Variants in TMOD2 observed in about 807,000 individuals in gnomAD.
The protein encoded by TMOD2 is tropomodulin 2, also known as tropomodulin-2.
In TMOD2, 22 loss-of-function variants were observed where a neutral mutation model predicts 39.9. That is an observed-to-expected ratio of 0.55 (90% CI 0.39 to 0.79). The LOEUF is 0.79. TMOD2 is among the 30% of genes least tolerant of loss of function. TMOD2 has a pLI of 0.00. For missense variants in TMOD2, 386 were observed against 413.3 expected, an observed-to-expected ratio of 0.93 and a Z score of 0.57; for synonymous variants, 123 against 146.1, an observed-to-expected ratio of 0.84 and a Z score of 1.14.
chr15:51,795,612 T>G (rs2056045621), intron 7 of TMOD2, among the ~76,000 whole-genome samples: 1 of 115,438 alleles, frequency 8.7e-6, no homozygotes, highest in Non-Finnish European at 1.9e-5. Context: ...CTTTCTTTCT[T>G]TCTTTCTTTC....
At chr15:51,755,492 C>T (rs939887838) in intron 1 of TMOD2, among the ~76,000 whole-genome samples, 1 of 152,100 alleles carries the variant, frequency 6.6e-6, no homozygotes, top group Non-Finnish European at 1.5e-5. Context: ...GGCAGGAGCT[C>T]ACAAAATAGG....
At chr15:51,792,788 C>T (rs1179817888) in intron 7 of TMOD2, among the ~76,000 whole-genome samples, 1 of 152,178 alleles carries the variant, frequency 6.6e-6, no homozygotes, top group Non-Finnish European at 1.5e-5. Context: ...ACCGCATGTT[C>T]TCACTCATAA....
intron 6 of TMOD2, 84 bp from the exon 7 acceptor site, chr15:51,782,636 TG>T: frequency 9.8e-7 from 1 of 1,015,720 alleles, no homozygotes; most frequent in Non-Finnish European, 1.5e-6. Flanking sequence ...TACACATACC[TG>T]GTATTTAAAG....
At chr15:51,766,342 C>G in intron 1 of TMOD2, 31 bp from the exon 2 acceptor site, 3 of 1,175,580 alleles carry the variant, frequency 2.6e-6, no homozygotes, top group Non-Finnish European at 3.6e-6. Context: ...AACGGAGATT[C>G]TTTTTTATTG....
chr15:51,766,416 C>G lies in TMOD2; in HGVS notation c.-26C>G. The G allele has an allele frequency of 3.1e-6, 5 of 1,609,516 alleles. No homozygotes were observed. The highest frequency in any genetic ancestry group is 4.2e-6 in the Non-Finnish European group (5 of 1,177,100). Reference sequence around the variant, plus strand: ...AACTGGACCATTTAAATGTGCATGGCCCATGAGAAAGGCTTATAAGAAGCC... The same window carrying G: ...AACTGGACCATTTAAATGTGCATGGGCCATGAGAAAGGCTTATAAGAAGCC... On this transcript the variant is annotated 5_prime_UTR_variant, in exon 2 of 10. Transcript: ENST00000249700.
intron 7 of TMOD2, among the ~76,000 whole-genome samples, chr15:51,792,185 A>G (rs539189733): frequency 1.3e-4 from 20 of 152,356 alleles, no homozygotes; most frequent in Non-Finnish European, 2.2e-4. Flanking sequence ...AAACAATCCC[A>G]TCAAAAAATG....
chr15:51,779,033 TGCAGCCTCCA>T (rs1458124854), intron 5 of TMOD2, among the ~76,000 whole-genome samples: 1 of 151,990 alleles, frequency 6.6e-6, no homozygotes. Flanking sequence ...CATAACTTAT[TGCAGCCTCCA>T]GCTCCTGGAC....
At chr15:51,778,588 G>C (rs2055906579) in intron 5 of TMOD2, among the ~76,000 whole-genome samples, 1 of 143,290 alleles carries the variant, frequency 7.0e-6, no homozygotes, top group Admixed American at 7.0e-5. Flanking sequence ...CCAATAACCA[G>C]ATCATGTCAG....
Position 51,810,052 on chromosome 15 carries a change from C to G in TMOD2, c.*1598C>G, listed in dbSNP as rs2056146165. ...TTGAGAACACCATAAGCAGAATATTCTAACACCTTTGGCCCCTGAAAATCC... is the reference window on the plus strand; with the variant it reads ...TTGAGAACACCATAAGCAGAATATTGTAACACCTTTGGCCCCTGAAAATCC... On this transcript the variant is annotated 3_prime_UTR_variant, in exon 10 of 10. Transcript: ENST00000249700. The G allele has an allele frequency of 6.6e-6, 1 of 152,082 alleles. No individual in the cohort carries two copies. Among genetic ancestry groups the G allele is most frequent in the Non-Finnish European group, 1.5e-5 (1 of 68,022 alleles). 9.4% of individuals were successfully genotyped at this position (152,082 alleles called of 1,614,324 possible).
At chr15:51,751,897 G>C (rs1188586906) in intron 1 of TMOD2, among the ~76,000 whole-genome samples, 185 bp downstream of exon 1, 2 of 149,336 alleles carry the variant, frequency 1.3e-5, no homozygotes, top group African/African-American at 4.9e-5. Context: ...GGCCCGGTCG[G>C]CTGCGCCGGG....
rs575982937 is a variant in TMOD2 at position 51,787,053 on chromosome 15, G to C, written c.732+4225G>C. On this transcript the variant is annotated intron_variant, in intron 7 of 9. Transcript: ENST00000249700. The stretch of plus-strand genomic sequence containing the variant: ...CCTCACCCGGGAAGGGGTTGGGGTT[G>C]GGGGATTTCCCTTTCCTAGCCAAGA... Among the ~76,000 whole-genome samples the C allele has an allele frequency of 5.3e-5, 8 of 152,324 alleles. No homozygotes were observed. The East Asian group carries it at 1.5e-3, about 29-fold the overall frequency.
intron 7 of TMOD2, among the ~76,000 whole-genome samples, chr15:51,793,249 A>G (rs765410499): frequency 2.0e-5 from 3 of 152,252 alleles, no homozygotes; most frequent in Non-Finnish European, 2.9e-5. Flanking sequence ...TCACTTTCAC[A>G]TCATGGTAAA....
At chr15:51,776,659 G>A (rs998633509) in intron 4 of TMOD2, among the ~76,000 whole-genome samples, 27 of 152,086 alleles carry the variant, frequency 1.8e-4, no homozygotes, top group Admixed American at 8.5e-4. Context: ...GCAGATTTTC[G>A]GTAAATTGTG....
At chr15:51,794,679 A>G in intron 7 of TMOD2, among the ~76,000 whole-genome samples, 1 of 152,222 alleles carries the variant, frequency 6.6e-6, no homozygotes, top group East Asian at 1.9e-4. Flanking sequence ...TAAATTTTTT[A>G]AAGCTCCCAG....
At chr15:51,772,021 C>T (rs1280025326) in intron 3 of TMOD2, among the ~76,000 whole-genome samples, 1 of 152,186 alleles carries the variant, frequency 6.6e-6, no homozygotes, top group East Asian at 1.9e-4. Flanking sequence ...CTCTGACACA[C>T]TCCTGTTTGC....
chr15:51,800,137 C>T (rs540049466), intron 8 of TMOD2, among the ~76,000 whole-genome samples: 1 of 152,280 alleles, frequency 6.6e-6, no homozygotes, highest in South Asian at 2.1e-4. Flanking sequence ...AACTGGGTGT[C>T]CTGTATTTTT....
Position 51,798,261 on chromosome 15 carries a change from T to C in TMOD2, c.797T>C (p.Ile266Thr), listed in dbSNP as rs1595877315. 6.2e-7 allele frequency: 1 copy of C among 1,613,948 alleles called. No homozygotes were observed. The highest frequency in any genetic ancestry group is 8.5e-7 in the Non-Finnish European group (1 of 1,179,938). ...AGTCTAAACATAGAATCCAATTTTA[T>C]CACTGGAACTGGGATCCTGGCCCTG... ...LTSLNIESNFITGTGILALVE... is the reference protein window; with the variant it reads ...LTSLNIESNFTTGTGILALVE... Residue 266 changes from isoleucine to threonine, a missense_variant, in exon 8 of 10, where the codon ATC becomes ACC. By Grantham distance (89) the Ile-to-Thr change is moderately conservative. Transcript: ENST00000249700.
rs2055830529 is a variant in TMOD2, at chr15:51,768,345, C to A, written c.210C>A (p.Leu70=). The stretch of plus-strand genomic sequence containing the variant: ...GCCCCTTTGACCGCGAGCACCTCCT[C>A]ATGTACCTGGAGAAGGAGGCTTTGG... ...ATGPFDREHL[L]MYLEKEALEQ... Residue 70 remains leucine (L), a synonymous_variant, in exon 3 of 10, where the codon CTC becomes CTA. Transcript: ENST00000249700. 1 of 1,614,184 alleles carries A rather than the reference C, an allele frequency of 6.2e-7. No homozygotes were observed. Among genetic ancestry groups the A allele is most frequent in the Non-Finnish European group, 8.5e-7 (1 of 1,180,028 alleles).
chr15:51,781,286 G>C, intron 6 of TMOD2, 112 bp downstream of exon 6: 2 of 956,478 alleles, frequency 2.1e-6, no homozygotes, highest in Non-Finnish European at 3.0e-6. Flanking sequence ...TGTAGTCACT[G>C]AGTTGGAGTC....
Sources: gnomAD v4.1 joint callset for allele counts (sites outside exome capture counted in the v4.1 genomes callset) on GRCh38, gnomAD v4.1.1 for gene constraint, MANE v1.5 for transcripts, NCBI Gene and HGNC (gene_info 2026-07-23, HGNC 2026-07-21) for gene names.